The following ABI3BP variants were observed in gnomAD, a reference collection of about 807,000 sequenced individuals.
ABI3BP encodes ABI family member 3 binding protein, also known as target of Nesh-SH3.
Under a neutral mutation model 268.6 loss-of-function variants are expected in ABI3BP, and 216 were observed. The ratio of observed to expected loss-of-function variants is 0.80; its 90% CI spans 0.72 to 0.90. ABI3BP has a LOEUF of 0.90. Ranked by LOEUF, ABI3BP falls within the 40% of genes least tolerant of loss-of-function variation. The pLI is 0.00. For missense variants in ABI3BP, 2,090 were observed against 2,182.4 expected, an observed-to-expected ratio of 0.96 and a Z score of 0.84; for synonymous variants, 730 against 730.0, an observed-to-expected ratio of 1.00 and a Z score of 0.00.
At position 100,828,653 on chromosome 3, in the gene ABI3BP, T is replaced by C. The variant is rs188062053; in HGVS notation, c.2543-201A>G. Among the ~76,000 whole-genome samples the C allele has an allele frequency of 1.2e-3, 181 of 152,240 alleles. 1 individual carries two copies. Among genetic ancestry groups the C allele is most frequent in the Non-Finnish European group, 3.1e-4 (21 of 68,014 alleles). ...TCTCTTAGGAAGAATGGCCATTTAC[T>C]TTGTAGTCAGATAATTCAGATAACG... On this transcript the variant is annotated intron_variant, in intron 33 of 67. Coordinates refer to ENST00000471714, the MANE Select transcript of ABI3BP (RefSeq NM_001375547.2).
intron 2 of ABI3BP, among the ~76,000 whole-genome samples, chr3:100,908,930 A>T (rs1371504592): frequency 6.6e-6 from 1 of 152,240 alleles, no homozygotes; most frequent in Non-Finnish European, 1.5e-5. Context: ...ATGGAATCAA[A>T]AAAGAGCCTG....
chr3:100,919,740 C>G (rs565845559), intron 2 of ABI3BP, among the ~76,000 whole-genome samples: 5 of 152,142 alleles, frequency 3.3e-5, no homozygotes, highest in Non-Finnish European at 7.4e-5. Context: ...TAGGACAGGT[C>G]AAAATTCTCG....
chr3:100,864,098 T>A, intron 11 of ABI3BP, 22 bp from the exon 12 acceptor site: 4 of 1,497,696 alleles, frequency 2.7e-6, no homozygotes, highest in Non-Finnish European at 3.6e-6. Context: ...AAGAGTGCAG[T>A]TAGCAACTCC....
chr3:100,759,461 C>CA (rs1559848261), intron 63 of ABI3BP, among the ~76,000 whole-genome samples: 4 of 152,076 alleles, frequency 2.6e-5, no homozygotes, highest in African/African-American at 9.7e-5. Flanking sequence ...ACTCAGAAGA[C>CA]AAAATAAGGC....
intron 1 of ABI3BP, among the ~76,000 whole-genome samples, chr3:100,964,004 T>C (rs2080235018): frequency 6.6e-6 from 1 of 152,222 alleles, no homozygotes; most frequent in South Asian, 2.1e-4. Context: ...ATTCATTTAG[T>C]ATACTATTAA....
intron 63 of ABI3BP, among the ~76,000 whole-genome samples, chr3:100,762,944 A>T (rs1385490605): frequency 6.6e-6 from 1 of 152,186 alleles, no homozygotes; most frequent in Non-Finnish European, 1.5e-5. Context: ...TTAGTTAGGG[A>T]CTACCAATAT....
In ABI3BP at chr3:100,750,729, T is replaced by A. The variant is rs115637356; in HGVS notation, c.5246-119A>T. Reference sequence around the variant, plus strand: ...GCTAATCTTAGTGAAGCGAGGTAATTTAGAAAACTGAGAGCAAGAAGTTCT... The same window carrying A: ...GCTAATCTTAGTGAAGCGAGGTAATATAGAAAACTGAGAGCAAGAAGTTCT... On this transcript the variant is annotated intron_variant, in intron 67 of 67. Transcript: ENST00000471714. 1.5e-3 allele frequency: 1,029 copies of A among 673,060 alleles called. 12 individuals carry two copies. The African/African-American group carries it at 0.016, about 11-fold the overall frequency. The allele number at this position is 673,060 out of a possible 1,614,324, so 41.7% of individuals were successfully genotyped here.
chr3:100,813,617 T>C, intron 45 of ABI3BP, 44 bp downstream of exon 45: 2 of 1,434,404 alleles, frequency 1.4e-6, no homozygotes, highest in Non-Finnish European at 1.9e-6. Context: ...AGTATGCCTC[T>C]TAAAGCACAC....
In ABI3BP at chr3:100,832,345, T is replaced by C. The variant is rs1235660016; in HGVS notation, c.2320A>G (p.Thr774Ala). Residue 774 changes from threonine to alanine, a missense_variant, in exon 31 of 68, where the codon ACA (threonine) becomes GCA (alanine). Coordinates refer to ENST00000471714, the MANE Select transcript of ABI3BP (RefSeq NM_001375547.2). ...CGACGGGTTCTTTTTGTTGTTGTTG[T>C]TGGAGCTGAAGGAAGAAAATTTAGG... is the stretch of plus-strand genomic sequence containing the variant. ...PITPGTSSAP[T>A]TTTKRTRRPH... 3.3e-6 allele frequency: 5 copies of C among 1,533,738 alleles called. No homozygotes were observed. The African/African-American group carries it at 5.6e-5, about 17-fold the overall frequency.
At chr3:100,813,515 A>C in intron 45 of ABI3BP, 146 bp downstream of exon 45, 1 of 566,834 alleles carries the variant, frequency 1.8e-6, no homozygotes, top group Non-Finnish European at 3.0e-6. Flanking sequence ...ACAATATGGA[A>C]TCACAAAAAA....
At chr3:100,874,170 G>A (rs976736640) in intron 9 of ABI3BP, among the ~76,000 whole-genome samples, 9 of 151,326 alleles carry the variant, frequency 5.9e-5, no homozygotes, top group African/African-American at 2.2e-4. Context: ...TACTGAATCA[G>A]TAATTCGGGA....
intron 1 of ABI3BP, among the ~76,000 whole-genome samples, chr3:100,935,535 C>A (rs894336369): frequency 6.6e-6 from 1 of 151,716 alleles, no homozygotes; most frequent in Non-Finnish European, 1.5e-5. Flanking sequence ...GTAATTTGAT[C>A]AGGATAGGAT....
At chr3:100,755,525 A>T (rs774089195) in intron 63 of ABI3BP, among the ~76,000 whole-genome samples, 9 of 152,188 alleles carry the variant, frequency 5.9e-5, no homozygotes, top group Non-Finnish European at 1.0e-4. Flanking sequence ...CCAAATTCAT[A>T]TCGGCCAGTC....
At chr3:100,887,272 G>C (rs548379926) in intron 4 of ABI3BP, among the ~76,000 whole-genome samples, 3 of 151,832 alleles carry the variant, frequency 2.0e-5, no homozygotes, top group Non-Finnish European at 4.4e-5. Context: ...AGAGTGAATG[G>C]GAGAACTACA....
At chr3:100,794,297 T>A (rs1350328492) in intron 54 of ABI3BP, among the ~76,000 whole-genome samples, 1 of 152,010 alleles carries the variant, frequency 6.6e-6, no homozygotes, top group African/African-American at 2.4e-5. Context: ...CTGTTTCACC[T>A]TGGCCAAACT....
intron 21 of ABI3BP, 134 bp from the exon 22 acceptor site, chr3:100,840,992 T>G: frequency 1.4e-6 from 1 of 699,326 alleles, no homozygotes. Flanking sequence ...TTTATCCACA[T>G]GCAAAGTTTC....
intron 1 of ABI3BP, among the ~76,000 whole-genome samples, chr3:100,930,009 C>G (rs1027006116): frequency 6.6e-6 from 1 of 151,982 alleles, no homozygotes; most frequent in African/African-American, 2.4e-5. Flanking sequence ...ACATTCTACA[C>G]TAATGTTTAA....
At chr3:100,805,443 T>A (rs1317691315) in intron 50 of ABI3BP, among the ~76,000 whole-genome samples, 1 of 152,062 alleles carries the variant, frequency 6.6e-6, no homozygotes, top group East Asian at 1.9e-4. Flanking sequence ...TTTCCACAAC[T>A]GTTCCTTGGG....
At chr3:100,791,561 G>A (rs928162175) in intron 55 of ABI3BP, among the ~76,000 whole-genome samples, 3 of 151,888 alleles carry the variant, frequency 2.0e-5, no homozygotes, top group African/African-American at 7.2e-5. Context: ...GAATAGGGAT[G>A]TATCACAACG....
Sources: gnomAD v4.1 joint callset for allele counts (sites outside exome capture counted in the v4.1 genomes callset) on GRCh38, gnomAD v4.1.1 for gene constraint, MANE v1.5 for transcripts, NCBI Gene and HGNC (gene_info 2026-07-23, HGNC 2026-07-21) for gene names.